Variants in PLEKHG1 observed in about 807,000 individuals in gnomAD.
PLEKHG1 encodes the protein pleckstrin homology and RhoGEF domain containing G1.
Under a neutral mutation model 100.8 loss-of-function variants are expected in PLEKHG1, and 44 were observed. That is an observed-to-expected ratio of 0.44 (90% CI 0.34 to 0.56). PLEKHG1 has a LOEUF of 0.56. Among genes scored for constraint, PLEKHG1 ranks in the 20% least tolerant of loss-of-function variants. PLEKHG1 has a pLI of 0.01. For synonymous variants in PLEKHG1, 640 were observed against 662.5 expected (o/e 0.97, Z 0.52); for missense variants, 1,545 against 1,720.9 (o/e 0.90, Z 1.81).
chr6:150,689,100 C>T (rs187323421), intron 3 of PLEKHG1, among the ~76,000 whole-genome samples: 29 of 152,304 alleles, frequency 1.9e-4, no homozygotes, highest in South Asian at 1.2e-3. Context: ...TGCCCATTCT[C>T]CTCTGGGAAT....
At chr6:150,835,966 G>A (rs747701923) in intron 15 of PLEKHG1, among the ~76,000 whole-genome samples, 12 of 152,206 alleles carry the variant, frequency 7.9e-5, no homozygotes, top group Non-Finnish European at 1.6e-4. Context: ...TCTATAGGAA[G>A]CATTTTAGCT....
chr6:150,608,830 G>A (rs924338556), intron 1 of PLEKHG1, among the ~76,000 whole-genome samples: 1 of 152,232 alleles, frequency 6.6e-6, no homozygotes, highest in Non-Finnish European at 1.5e-5. Context: ...TTATTTGGAA[G>A]TTACTTGAAA....
chr6:150,632,510 G>A lies in PLEKHG1; in HGVS notation c.-203-5570G>A, dbSNP rs1358869114. Reference sequence around the variant, plus strand: ...TCCTGGGCAAGGTGGGCAGGTTGGAGAGGCCCCCAGGCGAGTGTTGCCTGC... The same window carrying A: ...TCCTGGGCAAGGTGGGCAGGTTGGAAAGGCCCCCAGGCGAGTGTTGCCTGC... On this transcript the variant is annotated intron_variant, in intron 1 of 3. Coordinates refer to the PLEKHG1 transcript ENST00000367326. Among the ~76,000 whole-genome samples the A allele has an allele frequency of 3.3e-5, 5 of 152,370 alleles. No individual in the cohort carries two copies. In the East Asian group the frequency reaches 9.6e-4, roughly 29 times the overall value.
chr6:150,762,781 A>G (rs1451537348), intron 2 of PLEKHG1, among the ~76,000 whole-genome samples: 1 of 152,146 alleles, frequency 6.6e-6, no homozygotes, highest in African/African-American at 2.4e-5. Context: ...GAGAAAAGAG[A>G]TTCACTTAAG....
At chr6:150,692,996 G>A (rs1582952217) in intron 3 of PLEKHG1, among the ~76,000 whole-genome samples, 1 of 152,210 alleles carries the variant, frequency 6.6e-6, no homozygotes, top group Admixed American at 6.5e-5. Context: ...GAACATAGAA[G>A]GCCTTAAATG....
intron 2 of PLEKHG1, among the ~76,000 whole-genome samples, chr6:150,760,636 T>C (rs1352543147): frequency 1.6e-5 from 1 of 61,024 alleles, no homozygotes; most frequent in Non-Finnish European, 2.6e-5. Flanking sequence ...AATGCTTTGC[T>C]TTTTTTTTTT....
intron 1 of PLEKHG1, among the ~76,000 whole-genome samples, chr6:150,607,007 G>A (rs937536386): frequency 2.0e-5 from 3 of 152,062 alleles, no homozygotes; most frequent in East Asian, 1.9e-4. Context: ...GCATGGACCC[G>A]TTTTCCTTCC....
intron 3 of PLEKHG1, among the ~76,000 whole-genome samples, chr6:150,776,535 G>C (rs567595103): frequency 7.7e-6 from 1 of 129,696 alleles, no homozygotes; most frequent in Non-Finnish European, 1.5e-5. Context: ...GCACATGTGT[G>C]GTTGCACATT....
At chr6:150,716,312 G>A (rs923940689), upstream of PLEKHG1, among the ~76,000 whole-genome samples, 2 of 152,120 alleles carry the variant, frequency 1.3e-5, no homozygotes, top group African/African-American at 4.8e-5. Context: ...CTCCTCCAGG[G>A]TTTAAATTGT....
chr6:150,810,350 A>C (rs1459847460), intron 10 of PLEKHG1, among the ~76,000 whole-genome samples: 1 of 149,918 alleles, frequency 6.7e-6, no homozygotes, highest in Non-Finnish European at 1.5e-5. Flanking sequence ...ACACAAGAAA[A>C]AGCAAACTGC....
At chr6:150,696,472 T>TAC (rs141409753) in intron 3 of PLEKHG1, among the ~76,000 whole-genome samples, 6 of 152,086 alleles carry the variant, frequency 3.9e-5, no homozygotes, top group African/African-American at 9.7e-5. Flanking sequence ...AATATCTCAT[T>TAC]ACACACACAC....
In PLEKHG1 at chr6:150,677,933, A is replaced by G. The variant is rs961684699; in HGVS notation, c.-99+27147A>G. ...AGTACAAGTATTATATTATGCATAAAGGCAAAATGCAACAAAATAGGTCAT... is the reference window on the plus strand; with the variant it reads ...AGTACAAGTATTATATTATGCATAAGGGCAAAATGCAACAAAATAGGTCAT... On this transcript the variant is annotated intron_variant, in intron 3 of 3. Coordinates refer to the PLEKHG1 transcript ENST00000367326. Among the ~76,000 whole-genome samples, 87 of 148,718 alleles carry G rather than the reference A, an allele frequency of 5.9e-4. 1 individual carries two copies. The highest frequency in any genetic ancestry group is 2.1e-3 in the African/African-American group (84 of 39,642).
At chr6:150,806,759 CAG>C (rs199910700) in intron 7 of PLEKHG1, among the ~76,000 whole-genome samples, 6,676 of 135,906 alleles carry the variant, frequency 0.049, 233 homozygotes, top group African/African-American at 0.11. Flanking sequence ...ACACAGGAGG[CAG>C]AGAGGTTGCA....
intron 11 of PLEKHG1, among the ~76,000 whole-genome samples, chr6:150,818,609 T>C (rs1776121529): frequency 1.3e-5 from 2 of 152,222 alleles, no homozygotes; most frequent in South Asian, 4.1e-4. Context: ...CACTTCGTAG[T>C]ATTGGTTTTC....
At chr6:150,677,302 A>ACACGCG (rs1330706966) in intron 3 of PLEKHG1, among the ~76,000 whole-genome samples, 1 of 144,308 alleles carries the variant, frequency 6.9e-6, no homozygotes, top group Non-Finnish European at 1.5e-5. Flanking sequence ...ACACACACAC[A>ACACGCG]CGCGCGCGCG....
chr6:150,783,647 G>C (rs569624160), intron 3 of PLEKHG1, among the ~76,000 whole-genome samples: 1 of 152,234 alleles, frequency 6.6e-6, no homozygotes, highest in East Asian at 1.9e-4. Context: ...TGGGATTATA[G>C]GCATGAGCCA....
At chr6:150,769,411 A>C (rs1562502148) in intron 3 of PLEKHG1, among the ~76,000 whole-genome samples, 1 of 151,770 alleles carries the variant, frequency 6.6e-6, no homozygotes, top group Non-Finnish European at 1.5e-5. Context: ...GTGAAACCCC[A>C]TCTCTACTAA....
chr6:150,800,958 A>C, intron 6 of PLEKHG1, 89 bp downstream of exon 7: 2 of 1,022,158 alleles, frequency 2.0e-6, no homozygotes, highest in Middle Eastern at 2.9e-4. Flanking sequence ...AGAAAATGCT[A>C]TGGACATATG....
intron 2 of PLEKHG1, among the ~76,000 whole-genome samples, chr6:150,755,632 T>G (rs1783793732): frequency 6.6e-6 from 1 of 152,108 alleles, no homozygotes; most frequent in African/African-American, 2.4e-5. Flanking sequence ...CACTGGTGGT[T>G]GTATTCTTTC....
Sources: gnomAD v4.1 joint callset for allele counts (sites outside exome capture counted in the v4.1 genomes callset) on GRCh38, gnomAD v4.1.1 for gene constraint, MANE v1.5 for transcripts, NCBI Gene and HGNC (gene_info 2026-07-23, HGNC 2026-07-21) for gene names.